The following RGS6 variants were observed in gnomAD, a reference collection of about 807,000 sequenced individuals.
The protein encoded by RGS6 is regulator of G-protein signaling 6.
A neutral mutation model predicts 78.5 loss-of-function variants in RGS6; 30 were observed. That is an observed-to-expected ratio of 0.38 (90% CI 0.29 to 0.52). RGS6 has a LOEUF of 0.52. RGS6 is among the 20% of genes least tolerant of loss of function. RGS6 has a pLI of 0.85. For missense variants in RGS6, 495 were observed against 609.7 expected, an observed-to-expected ratio of 0.81 and a Z score of 1.98; for synonymous variants, 206 against 206.0, an observed-to-expected ratio of 1.00 and a Z score of 0.00.
At chr14:72,136,774 T>A (rs552690319) in intron 2 of RGS6, among the ~76,000 whole-genome samples, 5 of 152,296 alleles carry the variant, frequency 3.3e-5, no homozygotes, top group East Asian at 3.9e-4. Flanking sequence ...TATTGAGCTT[T>A]TTTAGGGAAG....
chr14:72,478,199 G>T lies in RGS6; in HGVS notation c.793-69G>T. On this transcript the variant is annotated intron_variant, in intron 11 of 17. Transcript: ENST00000553525. ...GATCTTGGTGGAAATGCAGGATTTG[G>T]GTTTGTGGAGCGAGGGGAAAAAAAT... 3.5e-6 allele frequency: 4 copies of T among 1,131,010 alleles called. No individual in the cohort carries two copies. In the East Asian group the frequency reaches 7.3e-5, roughly 21 times the overall value. The allele number at this position is 1,131,010 out of a possible 1,614,324, so 70.1% of individuals were successfully genotyped here. A position where few individuals can be genotyped will look rare whatever the true frequency, so the allele number is the denominator to read the frequency against.
At chr14:72,383,212 A>G (rs111283157) in intron 3 of RGS6, among the ~76,000 whole-genome samples, 2 of 134,848 alleles carry the variant, frequency 1.5e-5, no homozygotes, top group Non-Finnish European at 3.1e-5. Flanking sequence ...ATATATATAT[A>G]TACACACAAA....
At chr14:72,299,268 C>T (rs2065552069) in intron 2 of RGS6, among the ~76,000 whole-genome samples, 1 of 152,158 alleles carries the variant, frequency 6.6e-6, no homozygotes. Flanking sequence ...CATACCAGTC[C>T]TTCCCACCCT....
the RGS6 span, among the ~76,000 whole-genome samples, chr14:72,620,750 T>C: frequency 6.6e-6 from 1 of 152,242 alleles, no homozygotes; most frequent in Non-Finnish European, 1.5e-5. Context: ...AAGTTGTCTC[T>C]TCCCTCGTGC....
At chr14:72,095,832 T>C (rs1296174753) in intron 2 of RGS6, among the ~76,000 whole-genome samples, 1 of 152,234 alleles carries the variant, frequency 6.6e-6, no homozygotes, top group African/African-American at 2.4e-5. Flanking sequence ...AATGAAAAGA[T>C]AGGAAATGCT....
downstream of RGS6, among the ~76,000 whole-genome samples, chr14:72,568,318 A>T (rs2097716357): frequency 6.6e-6 from 1 of 152,198 alleles, no homozygotes; most frequent in Admixed American, 6.5e-5. Flanking sequence ...GACACATGGT[A>T]AATGTTCACG....
the RGS6 span, among the ~76,000 whole-genome samples, chr14:72,624,119 C>A: frequency 6.6e-6 from 1 of 152,018 alleles, no homozygotes; most frequent in African/African-American, 2.4e-5. Context: ...GCTAGAGAAA[C>A]ATCACACTAT....
chr14:72,055,095 C>A (rs923561976), intron 2 of RGS6, among the ~76,000 whole-genome samples: 1 of 152,158 alleles, frequency 6.6e-6, no homozygotes, highest in Non-Finnish European at 1.5e-5. Flanking sequence ...TAAGCATTTG[C>A]GTCTCCTGGC....
intron 3 of RGS6, among the ~76,000 whole-genome samples, chr14:72,402,790 GTTTTTTTT>G (rs1167831473): frequency 2.6e-4 from 20 of 75,796 alleles, no homozygotes; most frequent in African/African-American, 1.1e-3. Context: ...TGTTTTTTTG[GTTTTTTTT>G]TTTTTTTTTT....
intron 2 of RGS6, among the ~76,000 whole-genome samples, chr14:72,340,548 T>C (rs570242278): frequency 2.0e-5 from 3 of 152,032 alleles, no homozygotes; most frequent in Non-Finnish European, 2.9e-5. Context: ...CTCCAGAGAA[T>C]GAGGTGGGCC....
intron 2 of RGS6, among the ~76,000 whole-genome samples, chr14:72,169,180 C>A (rs1431753960): frequency 6.6e-6 from 1 of 152,208 alleles, no homozygotes; most frequent in Non-Finnish European, 1.5e-5. Flanking sequence ...CACTCCCCTT[C>A]CCCTTGGTTT....
chr14:72,364,625 A>T (rs946771353), intron 3 of RGS6, among the ~76,000 whole-genome samples: 1 of 152,212 alleles, frequency 6.6e-6, no homozygotes, highest in East Asian at 1.9e-4. Context: ...ATAAAAATTG[A>T]AAGTAAAGAT....
the RGS6 span, among the ~76,000 whole-genome samples, chr14:71,879,379 T>C: frequency 6.6e-6 from 1 of 152,206 alleles, no homozygotes; most frequent in South Asian, 2.1e-4. Context: ...TGACTTAACC[T>C]CTCTGAACAA....
chr14:72,585,342 C>T, the RGS6 span, among the ~76,000 whole-genome samples: 1 of 152,168 alleles, frequency 6.6e-6, no homozygotes. Flanking sequence ...ACATTGCAGG[C>T]ATGAGTTTCC....
chr14:72,333,732 C>T (rs1470203996), intron 2 of RGS6, among the ~76,000 whole-genome samples: 1 of 152,200 alleles, frequency 6.6e-6, no homozygotes, highest in Non-Finnish European at 1.5e-5. Context: ...CTCACCATCA[C>T]ACCCATGACC....
intron 2 of RGS6, among the ~76,000 whole-genome samples, chr14:72,142,431 A>T (rs1356193965): frequency 6.6e-6 from 1 of 152,212 alleles, no homozygotes; most frequent in Non-Finnish European, 1.5e-5. Flanking sequence ...ATACCAATGC[A>T]GTCCCCTTCT....
At chr14:72,331,670 TCTGA>T (rs2075075895) in intron 2 of RGS6, among the ~76,000 whole-genome samples, 1 of 152,148 alleles carries the variant, frequency 6.6e-6, no homozygotes. Flanking sequence ...CCTCTTTTTC[TCTGA>T]CTGCCTCCAG....
intron 2 of RGS6, among the ~76,000 whole-genome samples, chr14:72,327,790 G>T (rs1300174498): frequency 6.6e-6 from 1 of 152,170 alleles, no homozygotes; most frequent in Admixed American, 6.5e-5. Flanking sequence ...ACTTCTGCAG[G>T]CTTCCACAGT....
intron 2 of RGS6, among the ~76,000 whole-genome samples, chr14:72,248,648 A>C (rs138034785): frequency 1.2e-3 from 184 of 152,310 alleles, no homozygotes; most frequent in African/African-American, 4.3e-3. Context: ...CTCCAAATCA[A>C]AGCAATGTGC....
Sources: allele counts gnomAD v4.1 joint callset (sites outside exome capture counted in the v4.1 genomes callset), GRCh38; gene constraint gnomAD v4.1.1; transcripts MANE v1.5; gene names NCBI Gene and HGNC (gene_info 2026-07-23, HGNC 2026-07-21).